Variants in ZNF536 observed in about 807,000 individuals in gnomAD.
ZNF536 encodes the protein zinc finger protein 536.
A neutral mutation model predicts 84.5 loss-of-function variants in ZNF536; 13 were observed. The ratio of observed to expected loss-of-function variants is 0.15; its 90% CI spans 0.10 to 0.24. The LOEUF (loss-of-function observed/expected upper bound fraction) is 0.24, where lower values mean the gene tolerates loss of function less well. ZNF536 is among the 10% of genes least tolerant of loss of function. The pLI is 1.00. For missense variants in ZNF536, 1,536 were observed against 1,747.5 expected, an observed-to-expected ratio of 0.88 and a Z score of 2.16; for synonymous variants, 811 against 742.5, an observed-to-expected ratio of 1.09 and a Z score of -1.50.
chr19:30,417,561 A>T (rs570319290), intron 1 of ZNF536, among the ~76,000 whole-genome samples: 2 of 152,180 alleles, frequency 1.3e-5, no homozygotes, highest in Non-Finnish European at 2.9e-5. Flanking sequence ...CAAACATACC[A>T]TTAGAAAAAA....
intron 1 of ZNF536, among the ~76,000 whole-genome samples, chr19:30,640,892 G>A (rs947728316): frequency 4.6e-5 from 7 of 152,204 alleles, no homozygotes; most frequent in Admixed American, 2.0e-4. Flanking sequence ...TGGGGAGCAC[G>A]TCTCCTGGGG....
At chr19:30,614,233 C>CA (rs1230691147) in intron 1 of ZNF536, among the ~76,000 whole-genome samples, 6 of 152,070 alleles carry the variant, frequency 3.9e-5, no homozygotes, top group Non-Finnish European at 8.8e-5. Flanking sequence ...TAGGTTGTTG[C>CA]AAAAATAATT....
chr19:30,353,162 A>C (rs1434549535), intron 3 of ZNF536, among the ~76,000 whole-genome samples: 1 of 152,220 alleles, frequency 6.6e-6, no homozygotes, highest in South Asian at 2.1e-4. Flanking sequence ...CACGGTTATC[A>C]TCAGATATTG....
chr19:30,503,966 ATATTTT>A (rs1201441896), intron 2 of ZNF536, among the ~76,000 whole-genome samples: 3 of 151,014 alleles, frequency 2.0e-5, no homozygotes, highest in Non-Finnish European at 4.4e-5. Context: ...GAAAAAGTCT[ATATTTT>A]TATTTTTAAA....
At chr19:30,499,305 C>G (rs2054853996) in intron 2 of ZNF536, among the ~76,000 whole-genome samples, 1 of 151,972 alleles carries the variant, frequency 6.6e-6, no homozygotes, top group Non-Finnish European at 1.5e-5. Flanking sequence ...ATCTATGTAT[C>G]TATGTGTGTA....
intron 2 of ZNF536, among the ~76,000 whole-genome samples, chr19:30,501,065 C>A (rs188743003): frequency 6.6e-6 from 1 of 152,114 alleles, no homozygotes; most frequent in South Asian, 2.1e-4. Context: ...AGTCTCAAAC[C>A]TACAAAGTGG....
chr19:30,419,877 A>C (rs1346721015), intron 1 of ZNF536, among the ~76,000 whole-genome samples: 1 of 152,186 alleles, frequency 6.6e-6, no homozygotes, highest in Non-Finnish European at 1.5e-5. Flanking sequence ...AGCCATCAGC[A>C]ACCCGGGAAG....
intron 1 of ZNF536, among the ~76,000 whole-genome samples, chr19:30,583,931 G>C (rs1041972065): frequency 1.3e-5 from 2 of 152,138 alleles, no homozygotes; most frequent in Admixed American, 1.3e-4. Flanking sequence ...AGTATTAGCT[G>C]GACACTGAGA....
intron 1 of ZNF536, among the ~76,000 whole-genome samples, chr19:30,414,480 T>G (rs1011533649): frequency 1.3e-5 from 2 of 152,240 alleles, no homozygotes; most frequent in Non-Finnish European, 2.9e-5. Flanking sequence ...TGTTTCATTT[T>G]TTTTCTTTTC....
chr19:30,293,244 G>A (rs746258545), intron 2 of ZNF536, among the ~76,000 whole-genome samples: 1 of 152,196 alleles, frequency 6.6e-6, no homozygotes, highest in Non-Finnish European at 1.5e-5. Context: ...TCCCCTTCTC[G>A]CCACCCTCTC....
At chr19:30,257,662 C>G (rs1282093836) in intron 1 of ZNF536, among the ~76,000 whole-genome samples, 1 of 152,176 alleles carries the variant, frequency 6.6e-6, no homozygotes, top group African/African-American at 2.4e-5. Flanking sequence ...CTAAACAGCA[C>G]AGTGTTGGAG....
At chr19:30,585,253 T>A (rs1568576476) in intron 1 of ZNF536, among the ~76,000 whole-genome samples, 1 of 152,232 alleles carries the variant, frequency 6.6e-6, no homozygotes, top group Non-Finnish European at 1.5e-5. Context: ...AAGTGCTTTC[T>A]GTACATGGAC....
chr19:30,367,966 A>G (rs2146977521), upstream of ZNF536, among the ~76,000 whole-genome samples: 1 of 152,128 alleles, frequency 6.6e-6, no homozygotes, highest in Middle Eastern at 3.4e-3. Flanking sequence ...TAAAGTATCC[A>G]TTGCACAGCT....
At chr19:30,574,838 T>C (rs2046673938) in intron 1 of ZNF536, among the ~76,000 whole-genome samples, 1 of 152,234 alleles carries the variant, frequency 6.6e-6, no homozygotes, top group South Asian at 2.1e-4. Context: ...ATCAATGAGT[T>C]TTTCCCTCCT....
intron 2 of ZNF536, among the ~76,000 whole-genome samples, chr19:30,294,683 G>A (rs1036179274): frequency 1.3e-5 from 2 of 152,078 alleles, no homozygotes; most frequent in Non-Finnish European, 2.9e-5. Flanking sequence ...ATGCCCCCAT[G>A]AGTGGCAGAC....
intron 1 of ZNF536, among the ~76,000 whole-genome samples, chr19:30,670,226 C>T (rs2050492782): frequency 6.6e-6 from 1 of 152,194 alleles, no homozygotes; most frequent in South Asian, 2.1e-4. Flanking sequence ...TAGGGCCCAG[C>T]CTCAGGCTTC....
At chr19:30,643,075 A>C (rs1319288168) in intron 1 of ZNF536, among the ~76,000 whole-genome samples, 1 of 152,252 alleles carries the variant, frequency 6.6e-6, no homozygotes, top group Non-Finnish European at 1.5e-5. Flanking sequence ...AAGTAAAGCC[A>C]GATTTGCATA....
rs557787912 is a variant in ZNF536, at chr19:30,638,507, A to G, written c.170-72250A>G. Among the ~76,000 whole-genome samples the G allele has an allele frequency of 2.0e-5, 3 of 152,294 alleles. No individual in the cohort carries two copies. The East Asian group carries it at 5.8e-4, about 29-fold the overall frequency. Reference sequence around the variant, plus strand: ...GCGTGAGAGGGGGGAAGTGCTATACACTTTTAAACAACCAGATCTCAGGAT... The same window carrying G: ...GCGTGAGAGGGGGGAAGTGCTATACGCTTTTAAACAACCAGATCTCAGGAT... On this transcript the variant is annotated intron_variant, in intron 1 of 1. Transcript: ENST00000592773.
At chr19:30,515,277 A>G (rs1017237089) in intron 2 of ZNF536, among the ~76,000 whole-genome samples, 1 of 152,140 alleles carries the variant, frequency 6.6e-6, no homozygotes, top group African/African-American at 2.4e-5. Context: ...ATAACCCAAA[A>G]TATAACAACA....
Sources: gnomAD v4.1 joint callset for allele counts (sites outside exome capture counted in the v4.1 genomes callset) on GRCh38, gnomAD v4.1.1 for gene constraint, MANE v1.5 for transcripts, NCBI Gene and HGNC (gene_info 2026-07-23, HGNC 2026-07-21) for gene names.